MEF2A: variants seen among roughly 807,000 people sequenced by gnomAD.
MEF2A encodes myocyte-specific enhancer factor 2A.
Under a neutral mutation model 55.8 loss-of-function variants are expected in MEF2A, and 28 were observed. That is an observed-to-expected ratio of 0.50 (90% CI 0.37 to 0.69). The LOEUF (loss-of-function observed/expected upper bound fraction) is 0.69, where lower values mean the gene tolerates loss of function less well. MEF2A is among the 30% of genes least tolerant of loss of function. The pLI, the probability that MEF2A is intolerant of heterozygous loss-of-function variation, is 0.00. For synonymous variants in MEF2A, 239 were observed against 227.1 expected (o/e 1.05, Z -0.47); for missense variants, 528 against 626.2 (o/e 0.84, Z 1.67).
At chr15:99,632,901 A>T in intron 2 of MEF2A, 77 bp from the exon 3 acceptor site, 2 of 432,982 alleles carry the variant, frequency 4.6e-6, no homozygotes, top group East Asian at 4.1e-5. Context: ...TGTAAAAGCA[A>T]ATTTGAAATT....
At chr15:99,604,985 G>A (rs1427687547) in intron 2 of MEF2A, among the ~76,000 whole-genome samples, 3 of 152,056 alleles carry the variant, frequency 2.0e-5, no homozygotes, top group Admixed American at 6.5e-5. Flanking sequence ...TTGCTCTGTC[G>A]CTCATCCTGG....
Position 99,712,795 on chromosome 15 carries a change from T to C in MEF2A, c.*24T>C. ...AAGGCTTCCAAGCTGATGTTTGTAC[T>C]TTTGTGTTACTGCAGTGACCTGCCC... On this transcript the variant is annotated 3_prime_UTR_variant, in exon 12 of 12. Coordinates refer to ENST00000557942, the MANE Select transcript of MEF2A (RefSeq NM_001319206.4). This position sits in a 1 kb window ranked among gnomAD's most constrained non-coding sequence, Gnocchi z 4.1. The C allele has an allele frequency of 6.5e-7, 1 of 1,547,808 alleles. No individual in the cohort carries two copies. Among genetic ancestry groups the C allele is most frequent in the Non-Finnish European group, 8.7e-7 (1 of 1,143,882 alleles).
At chr15:99,606,713 A>G (rs1174521525) in intron 2 of MEF2A, among the ~76,000 whole-genome samples, 1 of 152,238 alleles carries the variant, frequency 6.6e-6, no homozygotes, top group Non-Finnish European at 1.5e-5. Flanking sequence ...TGAAATTTTA[A>G]AAAGGGATTT....
intron 7 of MEF2A, among the ~76,000 whole-genome samples, chr15:99,685,031 A>G (rs1223780543): frequency 6.6e-6 from 1 of 152,060 alleles, no homozygotes; most frequent in Non-Finnish European, 1.5e-5. Context: ...TGGGTTTTCT[A>G]TTCTGTTCCA....
intron 4 of MEF2A, among the ~76,000 whole-genome samples, chr15:99,656,657 G>A (rs946444986): frequency 1.3e-5 from 2 of 152,094 alleles, no homozygotes; most frequent in Non-Finnish European, 2.9e-5. Flanking sequence ...TAATACTGTA[G>A]TAGTACTGTC....
chr15:99,658,893 G>A (rs948560281), intron 4 of MEF2A, among the ~76,000 whole-genome samples: 9 of 152,162 alleles, frequency 5.9e-5, no homozygotes, highest in African/African-American at 1.9e-4. Flanking sequence ...ACCAAGTCAG[G>A]CTGCCATGGT....
At chr15:99,612,342 G>T (rs190912150) in intron 2 of MEF2A, among the ~76,000 whole-genome samples, 4 of 149,496 alleles carry the variant, frequency 2.7e-5, no homozygotes, top group Admixed American at 2.7e-4. Context: ...GCATGAACCC[G>T]GGAGGCGGAG....
intron 4 of MEF2A, among the ~76,000 whole-genome samples, chr15:99,660,331 C>T (rs1451252433): frequency 6.6e-6 from 1 of 152,148 alleles, no homozygotes; most frequent in Non-Finnish European, 1.5e-5. Context: ...ATTTTCTCTA[C>T]TGTTTGGGCA....
chr15:99,588,513 C>G (rs1202771337), intron 1 of MEF2A, among the ~76,000 whole-genome samples: 1 of 152,082 alleles, frequency 6.6e-6, no homozygotes, highest in Non-Finnish European at 1.5e-5. Flanking sequence ...ACCCTGTTGC[C>G]CAGGCTGGTC....
chr15:99,647,819 A>G (rs1048826010), intron 4 of MEF2A, among the ~76,000 whole-genome samples: 1 of 152,328 alleles, frequency 6.6e-6, no homozygotes, highest in African/African-American at 2.4e-5. Flanking sequence ...TAGAAGACAC[A>G]TTAGATTATT....
At chr15:99,581,321 A>C (rs774407735) in intron 1 of MEF2A, among the ~76,000 whole-genome samples, 8 of 152,270 alleles carry the variant, frequency 5.3e-5, no homozygotes, top group Non-Finnish European at 1.2e-4. Context: ...TTAATGACAC[A>C]GCTTTGGAGT....
In MEF2A at chr15:99,612,406, ACT is replaced by A. The variant is rs1209959971; in HGVS notation, c.-143+13898_-143+13899del. On this transcript the variant is annotated intron_variant, in intron 2 of 11. Coordinates refer to ENST00000557942, the MANE Select transcript of MEF2A (RefSeq NM_001319206.4). The stretch of plus-strand genomic sequence containing the variant: ...ACTCCAGTCTGGATGACAGAGTGAG[ACT>A]CTGTCTCAAAAAAACAAACAAAACA... 5.9e-5 allele frequency among the ~76,000 whole-genome samples: 9 copies of A among 151,930 alleles called. No individual in the cohort carries two copies. The East Asian group carries it at 1.4e-3, about 23-fold the overall frequency.
chr15:99,624,170 G>A (rs921137894), intron 2 of MEF2A, among the ~76,000 whole-genome samples: 19 of 152,274 alleles, frequency 1.2e-4, no homozygotes, highest in African/African-American at 4.6e-4. Context: ...GCCGTTTGAT[G>A]CACAGAAGTT....
At chr15:99,602,257 A>G (rs1411236906) in intron 2 of MEF2A, among the ~76,000 whole-genome samples, 3 of 152,140 alleles carry the variant, frequency 2.0e-5, no homozygotes, top group African/African-American at 7.2e-5. Flanking sequence ...ATATGTTGGC[A>G]TACTTCTGGG....
At chr15:99,679,245 G>A (rs111664610) in intron 7 of MEF2A, among the ~76,000 whole-genome samples, 2,562 of 152,316 alleles carry the variant, frequency 0.017, 75 homozygotes, top group African/African-American at 0.059. Flanking sequence ...AAATGCATTT[G>A]TGCATCACGA....
At chr15:99,617,487 A>G (rs1011015253) in intron 2 of MEF2A, among the ~76,000 whole-genome samples, 12 of 152,152 alleles carry the variant, frequency 7.9e-5, no homozygotes, top group African/African-American at 2.9e-4. Flanking sequence ...TACCTAAAAC[A>G]TTTTTGAATG....
intron 4 of MEF2A, among the ~76,000 whole-genome samples, chr15:99,651,590 A>G (rs894500309): frequency 6.6e-6 from 1 of 152,186 alleles, no homozygotes; most frequent in African/African-American, 2.4e-5. Context: ...AAGCAGCAGG[A>G]TGATGATTCA....
intron 7 of MEF2A, among the ~76,000 whole-genome samples, chr15:99,687,180 C>T (rs1597155555): frequency 6.8e-6 from 1 of 147,520 alleles, no homozygotes; most frequent in Admixed American, 7.1e-5. Context: ...CCCACCTCAG[C>T]CTCCCAAAGT....
At chr15:99,644,152 CAT>C (rs1314639694) in intron 3 of MEF2A, among the ~76,000 whole-genome samples, 3 of 152,050 alleles carry the variant, frequency 2.0e-5, no homozygotes, top group African/African-American at 4.8e-5. Context: ...ACAGAGAAAA[CAT>C]AAGGTTTTGA....
Sources: allele counts gnomAD v4.1 joint callset (sites outside exome capture counted in the v4.1 genomes callset), GRCh38; gene constraint gnomAD v4.1.1; non-coding constraint Gnocchi (gnomAD v3.1); transcripts MANE v1.5; gene names NCBI Gene and HGNC (gene_info 2026-07-23, HGNC 2026-07-21).